ARMC2: variants seen among roughly 807,000 people sequenced by gnomAD.
The protein encoded by ARMC2 is armadillo repeat-containing protein 2.
In ARMC2, 67 loss-of-function variants were observed where a neutral mutation model predicts 90.3. The ratio of observed to expected loss-of-function variants is 0.74; its 90% CI spans 0.61 to 0.91. ARMC2 has a LOEUF of 0.91. Ranked by LOEUF, ARMC2 falls within the 40% of genes least tolerant of loss-of-function variation. The pLI is 0.00. For synonymous variants in ARMC2, 393 were observed against 393.0 expected (o/e 1.00, Z 0.00); for missense variants, 920 against 1,030.9 (o/e 0.89, Z 1.47).
chr6:108,953,361 G>A lies in ARMC2; in HGVS notation c.1915+10G>A, dbSNP rs774489319. ...CTCCTGACCACGCTGGGTGAGAACC[G>A]CAGCCCACTGGCTGCAGCAGACACA... On this transcript the variant is annotated intron_variant, in intron 13 of 17. Coordinates refer to ENST00000392644, the MANE Select transcript of ARMC2 (RefSeq NM_032131.6). 8 of 1,587,424 alleles carry A rather than the reference G, an allele frequency of 5.0e-6. No individual in the cohort carries two copies. Among genetic ancestry groups the A allele is most frequent in the Middle Eastern group, 1.7e-4 (1 of 5,830 alleles).
chr6:108,986,050 A>C, the ARMC2 span, among the ~76,000 whole-genome samples: 2 of 151,864 alleles, frequency 1.3e-5, no homozygotes, highest in Non-Finnish European at 2.9e-5. Context: ...TGAGCTCAAT[A>C]AATGTTTTGA....
At chr6:109,008,934 TA>T in the ARMC2 span, 1 of 990,092 alleles carries the variant, frequency 1.0e-6, no homozygotes, top group Non-Finnish European at 1.2e-6. Flanking sequence ...GGTGGCTAAA[TA>T]ATCTGTTTTC....
intron 17 of ARMC2, among the ~76,000 whole-genome samples, chr6:108,970,060 A>T (rs1778655265): frequency 6.6e-6 from 1 of 152,048 alleles, no homozygotes; most frequent in African/African-American, 2.4e-5. Context: ...TGAATCATAG[A>T]TCTAAATTTT....
At chr6:108,955,018 C>T (rs1399898226) in intron 13 of ARMC2, among the ~76,000 whole-genome samples, 1 of 152,170 alleles carries the variant, frequency 6.6e-6, no homozygotes, top group Non-Finnish European at 1.5e-5. Context: ...GAAGAGAGCA[C>T]ACTCTGGGGT....
At chr6:109,025,139 A>C in the ARMC2 span, among the ~76,000 whole-genome samples, 2 of 152,126 alleles carry the variant, frequency 1.3e-5, no homozygotes, top group African/African-American at 4.8e-5. Flanking sequence ...AAGGGGCTAA[A>C]CGCTCAAAGC....
intron 5 of ARMC2, among the ~76,000 whole-genome samples, chr6:108,885,100 C>A (rs1451428743): frequency 1.3e-5 from 2 of 151,972 alleles, no homozygotes; most frequent in Non-Finnish European, 2.9e-5. Context: ...AGCCTTTAAG[C>A]TAAGGGAATT....
intron 10 of ARMC2, 122 bp downstream of exon 10, chr6:108,912,680 G>T: frequency 1.1e-6 from 1 of 871,418 alleles, no homozygotes; most frequent in Non-Finnish European, 1.8e-6. Context: ...TGGCCTCCAA[G>T]GGCAGCAGCC....
At chr6:108,987,221 T>TTATC in the ARMC2 span, 1 of 219,672 alleles carries the variant, frequency 4.6e-6, no homozygotes, top group Non-Finnish European at 8.9e-6. Context: ...CCAATTCTTG[T>TTATC]TATCTTATTT....
chr6:108,907,871 A>C, intron 8 of ARMC2: 8 of 1,610,022 alleles, frequency 5.0e-6, no homozygotes, highest in Non-Finnish European at 6.8e-6. Flanking sequence ...AACTGACGCT[A>C]TCTTAGAGTC....
At chr6:108,860,464 C>A (rs1365710425) in intron 3 of ARMC2, among the ~76,000 whole-genome samples, 1 of 151,956 alleles carries the variant, frequency 6.6e-6, no homozygotes, top group Non-Finnish European at 1.5e-5. Flanking sequence ...AGACCGAGAC[C>A]ATCCTGCCTA....
intron 4 of ARMC2, among the ~76,000 whole-genome samples, chr6:108,869,727 C>G (rs1367417066): frequency 2.0e-5 from 3 of 152,124 alleles, no homozygotes; most frequent in African/African-American, 7.2e-5. Context: ...GGGACTTCTA[C>G]TGCCTGAGAA....
intron 13 of ARMC2, among the ~76,000 whole-genome samples, chr6:108,955,665 C>T (rs1777525179): frequency 6.6e-6 from 1 of 152,200 alleles, no homozygotes; most frequent in Non-Finnish European, 1.5e-5. Context: ...TCAAAAATCT[C>T]TGTGTTTAGG....
At chr6:109,046,616 G>A in the ARMC2 span, among the ~76,000 whole-genome samples, 8 of 141,274 alleles carry the variant, frequency 5.7e-5, 1 homozygote, top group South Asian at 2.5e-4. Context: ...GCGCCCGGCC[G>A]CCATCCCATC....
the ARMC2 span, among the ~76,000 whole-genome samples, chr6:109,035,660 G>T: frequency 1.3e-5 from 2 of 152,110 alleles, no homozygotes; most frequent in Non-Finnish European, 2.9e-5. Flanking sequence ...TGTTGCCCAG[G>T]CTCAGTCATA....
chr6:108,907,462 T>C (rs990366201), intron 8 of ARMC2, among the ~76,000 whole-genome samples: 79 of 117,200 alleles, frequency 6.7e-4, no homozygotes, highest in Middle Eastern at 4.8e-3. Context: ...TTCTTTCTTT[T>C]TTTTTTTTTT....
Position 108,936,801 on chromosome 6 carries a change from C to T in ARMC2, c.1497-99C>T, listed in dbSNP as rs532206946. ...TTTAGACTCCTTTTCTTGAACTGGGCAATGTTTTGAAGGTCTGCATTTAAA... is the reference window on the plus strand; with the variant it reads ...TTTAGACTCCTTTTCTTGAACTGGGTAATGTTTTGAAGGTCTGCATTTAAA... On this transcript the variant is annotated intron_variant, in intron 11 of 17. Coordinates refer to ENST00000392644, the MANE Select transcript of ARMC2 (RefSeq NM_032131.6). 3 of 959,466 alleles carry T rather than the reference C, an allele frequency of 3.1e-6. No homozygotes were observed. In the East Asian group the frequency reaches 7.9e-5, roughly 25 times the overall value. The allele number at this position is 959,466 out of a possible 1,614,324, so 59.4% of individuals were successfully genotyped here.
At chr6:108,868,761 TGAG>T (rs1486150961) in intron 3 of ARMC2, 60 bp from the exon 4 acceptor site, 1 of 1,515,908 alleles carries the variant, frequency 6.6e-7, no homozygotes, top group Non-Finnish European at 9.0e-7. Flanking sequence ...TGGCCAGCTC[TGAG>T]GTAAGTGTTA....
intron 5 of ARMC2, among the ~76,000 whole-genome samples, chr6:108,884,358 A>G (rs1583008339): frequency 6.6e-6 from 1 of 152,350 alleles, no homozygotes; most frequent in East Asian, 1.9e-4. Flanking sequence ...TAAGATCTCC[A>G]AGTGCTTTGA....
chr6:108,984,737 T>C, the ARMC2 span, among the ~76,000 whole-genome samples: 1 of 152,242 alleles, frequency 6.6e-6, no homozygotes, highest in Non-Finnish European at 1.5e-5. Flanking sequence ...ATACAACTGA[T>C]TTTTGTGTGC....
Sources: gnomAD v4.1 joint callset for allele counts (sites outside exome capture counted in the v4.1 genomes callset) on GRCh38, gnomAD v4.1.1 for gene constraint, MANE v1.5 for transcripts, NCBI Gene and HGNC (gene_info 2026-07-23, HGNC 2026-07-21) for gene names.